Variants in C10orf90 observed in about 807,000 individuals in gnomAD.
C10orf90 encodes the protein (E2-independent) E3 ubiquitin-conjugating enzyme FATS.
C10orf90 carries 56 observed loss-of-function variants against 62.5 expected under a neutral mutation model. The observed-to-expected ratio is 0.90, with a 90% CI of 0.72 to 1.12. C10orf90 has a LOEUF of 1.12. C10orf90 is among the 50% of genes most tolerant of loss of function. The pLI is 0.00. For synonymous variants in C10orf90, 386 were observed against 340.4 expected (o/e 1.13, Z -1.47); for missense variants, 970 against 880.4 (o/e 1.10, Z -1.29).
At chr10:126,531,434 C>T (rs146175925) in intron 2 of C10orf90, among the ~76,000 whole-genome samples, 321 of 152,268 alleles carry the variant, frequency 2.1e-3, no homozygotes, top group African/African-American at 7.5e-3. Context: ...AAAGGGTCAA[C>T]AGTTCTGAGG....
chr10:126,436,605 G>A (rs1408928979), intron 7 of C10orf90, among the ~76,000 whole-genome samples: 1 of 152,154 alleles, frequency 6.6e-6, no homozygotes, highest in Non-Finnish European at 1.5e-5. Flanking sequence ...TTTGGGACAA[G>A]CTACTTGTGC....
Position 126,594,420 on chromosome 10 carries a change from C to G in C10orf90, c.313+52145G>C, listed in dbSNP as rs897913464. Among the ~76,000 whole-genome samples the G allele has an allele frequency of 5.3e-5, 8 of 152,118 alleles. No individual in the cohort carries two copies. In the East Asian group the frequency reaches 1.6e-3, roughly 30 times the overall value. ...TTTGGATTGGGAAGATGAGTGTGGACAGGGGACATCCTCCTGAGTTATGTG... is the reference window on the plus strand; with the variant it reads ...TTTGGATTGGGAAGATGAGTGTGGAGAGGGGACATCCTCCTGAGTTATGTG... On this transcript the variant is annotated intron_variant, in intron 2 of 9. Transcript: ENST00000488181.
intron 4 of C10orf90, among the ~76,000 whole-genome samples, chr10:126,490,434 T>C (rs1861706619): frequency 6.6e-6 from 1 of 151,504 alleles, no homozygotes; most frequent in Non-Finnish European, 1.5e-5. Flanking sequence ...GAGTTAGTGT[T>C]TAATGGGGAG....
At chr10:126,442,369 T>C (rs533230962) in intron 7 of C10orf90, among the ~76,000 whole-genome samples, 15 of 149,154 alleles carry the variant, frequency 1.0e-4, no homozygotes, top group African/African-American at 3.5e-4. Context: ...CACAATCCTA[T>C]ACATATATAC....
chr10:126,504,014 CG>C lies in C10orf90; in HGVS notation c.1476del (p.His492GlnfsTer39). The stretch of plus-strand genomic sequence containing the variant: ...GACAGTTGGTTGGCATGATCGCTGG[CG>C]TGACAATGAGTTGTATGGTCCTTTT... ...KGEKDHTTHC[H>X]ASDHANQLSI... On this transcript the variant is annotated frameshift_variant, in exon 4 of 10. Coordinates refer to ENST00000488181, the MANE Select transcript of C10orf90 (RefSeq NM_001350921.2). LOFTEE classifies it high-confidence loss of function. The surrounding 1 kb of genome is among the most constrained non-coding windows in gnomAD (Gnocchi z 4.1). The C allele has an allele frequency of 6.2e-7, 1 of 1,613,802 alleles. No homozygotes were observed. Among genetic ancestry groups the C allele is most frequent in the Non-Finnish European group, 8.5e-7 (1 of 1,180,012 alleles).
rs148292453 is a variant in C10orf90, at chr10:126,554,859, A to G, written c.314-40920T>C. 5.9e-3 allele frequency among the ~76,000 whole-genome samples: 903 copies of G among 152,370 alleles called. 8 individuals carry two copies. Among genetic ancestry groups the G allele is most frequent in the African/African-American group, 0.021 (853 of 41,590 alleles). ...TGTATAGCACAATCAAGCCAACATC[A>G]AAACAGAGAAGGAAAGAAATGCAGA... On this transcript the variant is annotated intron_variant, in intron 2 of 9. Transcript: ENST00000488181.
intron 7 of C10orf90, among the ~76,000 whole-genome samples, chr10:126,448,370 C>A (rs1858942149): frequency 6.6e-6 from 1 of 152,056 alleles, no homozygotes; most frequent in African/African-American, 2.4e-5. Context: ...ATATGGAATG[C>A]AGCAAAAACA....
At chr10:126,562,989 C>G (rs915801335) in intron 2 of C10orf90, among the ~76,000 whole-genome samples, 1 of 152,226 alleles carries the variant, frequency 6.6e-6, no homozygotes, top group South Asian at 2.1e-4. Context: ...GAGGGACCCA[C>G]GTACATTGCT....
At chr10:126,490,320 G>C (rs75019993) in intron 4 of C10orf90, among the ~76,000 whole-genome samples, 1 of 151,226 alleles carries the variant, frequency 6.6e-6, no homozygotes, top group Non-Finnish European at 1.5e-5. Context: ...ACCTAGAGTG[G>C]TCACATTCAC....
rs184176678 is a variant in C10orf90 at position 126,548,128 on chromosome 10, A to G, written c.314-34189T>C. On this transcript the variant is annotated intron_variant, in intron 2 of 9. Coordinates refer to ENST00000488181, the MANE Select transcript of C10orf90 (RefSeq NM_001350921.2). Reference sequence around the variant, plus strand: ...ATGTGAAAGCCAAAGGCAAACCTATATATAGGCTTAACATAATTCCTATCA... The same window carrying G: ...ATGTGAAAGCCAAAGGCAAACCTATGTATAGGCTTAACATAATTCCTATCA... 8.6e-4 allele frequency among the ~76,000 whole-genome samples: 131 copies of G among 152,350 alleles called. No individual in the cohort carries two copies. The Middle Eastern group carries it at 0.01, about 12-fold the overall frequency.
chr10:126,543,547 G>A (rs957136754), intron 2 of C10orf90, among the ~76,000 whole-genome samples: 2 of 152,266 alleles, frequency 1.3e-5, no homozygotes, highest in South Asian at 2.1e-4. Flanking sequence ...CTAACATGGA[G>A]TATTAGACCT....
chr10:126,435,157 G>T (rs1857837024), intron 7 of C10orf90, among the ~76,000 whole-genome samples: 1 of 152,202 alleles, frequency 6.6e-6, no homozygotes, highest in Admixed American at 6.5e-5. Flanking sequence ...TGTTGGTATT[G>T]ATATGAAAGT....
intron 2 of C10orf90, among the ~76,000 whole-genome samples, chr10:126,633,290 T>A (rs550325227): frequency 6.6e-6 from 1 of 152,296 alleles, no homozygotes; most frequent in Non-Finnish European, 1.5e-5. Context: ...CAGGGCCACA[T>A]GATGTCTTGG....
At chr10:126,501,450 C>G (rs1456423544) in intron 4 of C10orf90, among the ~76,000 whole-genome samples, 1 of 152,176 alleles carries the variant, frequency 6.6e-6, no homozygotes, top group African/African-American at 2.4e-5. Flanking sequence ...TGCCCCACAG[C>G]ACACCCCAGG....
chr10:126,480,291 C>A (rs1458132620), intron 4 of C10orf90, among the ~76,000 whole-genome samples: 3 of 152,194 alleles, frequency 2.0e-5, no homozygotes, highest in Non-Finnish European at 4.4e-5. Context: ...GGGCCAAACT[C>A]AAAATGTCAC....
rs1405164928 is a variant in C10orf90, at chr10:126,529,205, A to G, written c.314-15266T>C. On this transcript the variant is annotated intron_variant, in intron 2 of 9. Transcript: ENST00000488181. The stretch of plus-strand genomic sequence containing the variant: ...AAATTAGACACCTTTTCCTTACCAT[A>G]CCTACAAATCAACTCCAGATAATCT... Among the ~76,000 whole-genome samples, 5 of 152,196 alleles carry G rather than the reference A, an allele frequency of 3.3e-5. No homozygotes were observed. In the East Asian group the frequency reaches 9.6e-4, roughly 29 times the overall value.
At chr10:126,628,750 C>T (rs1001067091) in intron 2 of C10orf90, among the ~76,000 whole-genome samples, 5 of 152,208 alleles carry the variant, frequency 3.3e-5, no homozygotes, top group Admixed American at 3.3e-4. Flanking sequence ...ACTCACTTGC[C>T]TGCCTGTCCT....
chr10:126,629,034 T>C (rs1208779079), intron 2 of C10orf90, among the ~76,000 whole-genome samples: 1 of 152,228 alleles, frequency 6.6e-6, no homozygotes, highest in Non-Finnish European at 1.5e-5. Flanking sequence ...GAACTCCTTG[T>C]GACACTGCCA....
At chr10:126,568,359 G>A (rs956805428) in intron 2 of C10orf90, among the ~76,000 whole-genome samples, 17 of 152,234 alleles carry the variant, frequency 1.1e-4, no homozygotes, top group South Asian at 6.2e-4. Flanking sequence ...TAGGACCACC[G>A]TCCTTATTTC....
Sources: allele counts gnomAD v4.1 joint callset (sites outside exome capture counted in the v4.1 genomes callset), GRCh38; gene constraint gnomAD v4.1.1; non-coding constraint Gnocchi (gnomAD v3.1); transcripts MANE v1.5; gene names NCBI Gene and HGNC (gene_info 2026-07-23, HGNC 2026-07-21).